PDZD2: variants seen among roughly 807,000 people sequenced by gnomAD.
The protein encoded by PDZD2 is PDZ domain containing 2, also known as PDZ domain-containing protein 2.
A neutral mutation model predicts 220.7 loss-of-function variants in PDZD2; 90 were observed. The ratio of observed to expected loss-of-function variants is 0.41; its 90% CI spans 0.34 to 0.49. The LOEUF is 0.49. PDZD2 is among the 20% of genes least tolerant of loss of function. The pLI, the probability that PDZD2 is intolerant of heterozygous loss-of-function variation, is 0.28. For synonymous variants in PDZD2, 1,375 were observed against 1,450.5 expected (o/e 0.95, Z 1.18); for missense variants, 3,174 against 3,608.5 (o/e 0.88, Z 3.08).
chr5:31,962,411 ACT>A (rs1184576903), intron 2 of PDZD2, among the ~76,000 whole-genome samples: 2 of 151,984 alleles, frequency 1.3e-5, no homozygotes, highest in Non-Finnish European at 2.9e-5. Context: ...CTCACCTGAC[ACT>A]CTCAGCAGGC....
intron 6 of PDZD2, among the ~76,000 whole-genome samples, chr5:32,032,431 C>T (rs1251406728): frequency 2.6e-5 from 4 of 152,172 alleles, no homozygotes; most frequent in African/African-American, 7.2e-5. Context: ...GTTCCTTGGG[C>T]CACTGCTTCC....
chr5:31,956,615 C>T (rs1201651790), intron 2 of PDZD2, among the ~76,000 whole-genome samples: 4 of 147,428 alleles, frequency 2.7e-5, no homozygotes, highest in Non-Finnish European at 6.0e-5. Context: ...AAAAATTAGC[C>T]GGGTGTGGTG....
chr5:31,650,617 C>T (rs1164293996), intron 1 of PDZD2, among the ~76,000 whole-genome samples: 1 of 152,172 alleles, frequency 6.6e-6, no homozygotes, highest in East Asian at 1.9e-4. Context: ...TCTTCTTCTC[C>T]ACTTTAGGAG....
intron 1 of PDZD2, among the ~76,000 whole-genome samples, chr5:31,658,147 T>C (rs1182660944): frequency 6.6e-6 from 1 of 152,142 alleles, no homozygotes; most frequent in Non-Finnish European, 1.5e-5. Flanking sequence ...GCTCATCAGA[T>C]CCACAGGCTG....
At chr5:31,942,748 T>G (rs1441715686) in intron 2 of PDZD2, among the ~76,000 whole-genome samples, 1 of 152,248 alleles carries the variant, frequency 6.6e-6, no homozygotes, top group African/African-American at 2.4e-5. Context: ...AAATGCCTCA[T>G]GGTGTCGTGA....
chr5:32,017,050 G>A (rs992771002), intron 6 of PDZD2, among the ~76,000 whole-genome samples: 4 of 152,126 alleles, frequency 2.6e-5, no homozygotes, highest in African/African-American at 9.7e-5. Context: ...GGGATGGTTG[G>A]TGTACCCTCT....
chr5:31,955,364 G>GCA, intron 2 of PDZD2, among the ~76,000 whole-genome samples: 4 of 151,812 alleles, frequency 2.6e-5, no homozygotes, highest in East Asian at 1.9e-4. Flanking sequence ...GCAGTGGCAT[G>GCA]ATCTCGGCTC....
intron 19 of PDZD2, among the ~76,000 whole-genome samples, chr5:32,082,211 G>A (rs1330888871): frequency 2.0e-5 from 3 of 149,472 alleles, no homozygotes; most frequent in African/African-American, 7.4e-5. Flanking sequence ...TAGTAGAGAC[G>A]GCGATTCACT....
intron 1 of PDZD2, among the ~76,000 whole-genome samples, chr5:31,779,663 G>A (rs189267345): frequency 6.6e-5 from 10 of 152,156 alleles, no homozygotes; most frequent in East Asian, 3.9e-4. Flanking sequence ...GTGAGCCACC[G>A]CGCCCGGCCA....
chr5:31,876,254 A>G (rs1031436692), intron 2 of PDZD2, among the ~76,000 whole-genome samples: 1 of 150,106 alleles, frequency 6.7e-6, no homozygotes, highest in Non-Finnish European at 1.5e-5. Context: ...GGTTATTGCT[A>G]GTGTAAAGGA....
At chr5:31,920,953 TC>T (rs372893693) in intron 2 of PDZD2, among the ~76,000 whole-genome samples, 189 of 152,354 alleles carry the variant, frequency 1.2e-3, no homozygotes, top group African/African-American at 4.3e-3. Flanking sequence ...GTAGCTCATT[TC>T]TTTTCAGTGT....
chr5:31,924,161 G>A (rs1323197666), intron 2 of PDZD2, among the ~76,000 whole-genome samples: 1 of 152,134 alleles, frequency 6.6e-6, no homozygotes, highest in African/African-American at 2.4e-5. Context: ...GTGGAATTGC[G>A]ATGGGCCTTT....
At chr5:31,855,391 GAGTA>G (rs1346007974) in intron 2 of PDZD2, among the ~76,000 whole-genome samples, 1 of 152,248 alleles carries the variant, frequency 6.6e-6, no homozygotes, top group Non-Finnish European at 1.5e-5. Flanking sequence ...TCCTCGGGAG[GAGTA>G]AGTGACTTGG....
At chr5:31,663,868 T>A (rs570927415) in intron 1 of PDZD2, among the ~76,000 whole-genome samples, 86 of 152,242 alleles carry the variant, frequency 5.6e-4, no homozygotes, top group African/African-American at 2.0e-3. Flanking sequence ...TGTGTGTGTG[T>A]GTGTGTGTAT....
intron 2 of PDZD2, chr5:31,832,306 G>T (rs372262368): frequency 1.5e-4 from 5 of 32,328 alleles, no homozygotes; most frequent in Admixed American, 8.8e-4. Flanking sequence ...TAAAGTTTCA[G>T]CCTGGTGTGA....
intron 1 of PDZD2, among the ~76,000 whole-genome samples, chr5:31,762,020 G>A (rs1365845764): frequency 2.6e-5 from 4 of 152,158 alleles, no homozygotes; most frequent in African/African-American, 9.7e-5. Context: ...GAAGGGTGGG[G>A]AAGGTGCCAC....
rs368220223 is a variant in PDZD2, at chr5:31,884,231, G to GCATACATACATACATA, written c.476+84523_476+84538dup. On this transcript the variant is annotated intron_variant, in intron 2 of 24. Transcript: ENST00000438447. ...CCATCTCAAAAATAACTGCATGCAT[G>GCATACATACATACATA]CATACATACATACATACATACATAC... Among the ~76,000 whole-genome samples, 1,007 of 150,688 alleles carry GCATACATACATACATA rather than the reference G, an allele frequency of 6.7e-3. 4 individuals are homozygous for GCATACATACATACATA. Among genetic ancestry groups the GCATACATACATACATA allele is most frequent in the Non-Finnish European group, 9.0e-3 (611 of 67,856 alleles).
chr5:31,838,824 C>G (rs964268856), intron 2 of PDZD2, among the ~76,000 whole-genome samples: 3 of 152,226 alleles, frequency 2.0e-5, no homozygotes, highest in Admixed American at 6.5e-5. Flanking sequence ...GAGGCCAGGT[C>G]TGTGAACACA....
In PDZD2 at chr5:32,088,023, A is replaced by C; in HGVS notation, c.4575A>C (p.Arg1525Ser). The C allele has an allele frequency of 6.2e-7, 1 of 1,614,192 alleles. No homozygotes were observed. Among genetic ancestry groups the C allele is most frequent in the South Asian group, 1.1e-5 (1 of 91,086 alleles). ...AAAACTTTCTGAGCAACTACTCTAG[A>C]AATTTTAGCAGTTTTCATGAAGACA... ...VNKNFLSNYSRNFSSFHEDST... is the reference protein window; with the variant it reads ...VNKNFLSNYSSNFSSFHEDST... Residue 1525 changes from arginine (R) to serine (S), a missense_variant, in exon 20 of 25, where the codon AGA becomes AGC. Arg to Ser is a moderately radical substitution (Grantham distance 110, BLOSUM62 -1). Coordinates refer to ENST00000438447, the MANE Select transcript of PDZD2 (RefSeq NM_178140.4). The surrounding 1 kb of genome is among the most constrained non-coding windows in gnomAD (Gnocchi z 4.6).
Sources: allele counts gnomAD v4.1 joint callset (sites outside exome capture counted in the v4.1 genomes callset), GRCh38; gene constraint gnomAD v4.1.1; non-coding constraint Gnocchi (gnomAD v3.1); transcripts MANE v1.5; gene names NCBI Gene and HGNC (gene_info 2026-07-23, HGNC 2026-07-21).